FAM78B: variants seen among roughly 807,000 people sequenced by gnomAD.
FAM78B encodes protein FAM78B.
Under a neutral mutation model 20.0 loss-of-function variants are expected in FAM78B, and 10 were observed. That is an observed-to-expected ratio of 0.50 (90% CI 0.31 to 0.85). The LOEUF is 0.85. FAM78B is among the 40% of genes least tolerant of loss of function. The pLI is 0.05. For missense variants in FAM78B, 283 were observed against 345.0 expected (o/e 0.82, Z 1.42); for synonymous variants, 135 against 132.8 (o/e 1.02, Z -0.12).
chr1:166,076,388 G>C (rs1209386995), intron 1 of FAM78B, among the ~76,000 whole-genome samples: 1 of 151,916 alleles, frequency 6.6e-6, no homozygotes, highest in African/African-American at 2.4e-5. Context: ...CGTTCATTTT[G>C]CCTGGAAAAA....
At chr1:166,130,871 A>G (rs1654846937) in intron 1 of FAM78B, among the ~76,000 whole-genome samples, 1 of 152,096 alleles carries the variant, frequency 6.6e-6, no homozygotes, top group South Asian at 2.1e-4. Flanking sequence ...GGCAGAACTC[A>G]GAAGAAACAG....
intron 1 of FAM78B, among the ~76,000 whole-genome samples, chr1:166,092,539 T>G (rs1366206316): frequency 6.6e-6 from 1 of 152,250 alleles, no homozygotes. Flanking sequence ...CCTACTGGTC[T>G]TTAAGCCTCA....
At chr1:166,125,159 A>T (rs1654594642) in intron 1 of FAM78B, among the ~76,000 whole-genome samples, 1 of 152,056 alleles carries the variant, frequency 6.6e-6, no homozygotes, top group Admixed American at 6.5e-5. Flanking sequence ...TTCAGAGCTG[A>T]TTTTCACCCA....
chr1:166,073,532 C>A (rs1375146073), intron 1 of FAM78B, among the ~76,000 whole-genome samples: 1 of 131,266 alleles, frequency 7.6e-6, no homozygotes, highest in South Asian at 2.3e-4. Context: ...CTTTCTCTTT[C>A]TCTCTTTTTT....
chr1:166,134,074 T>C (rs1386516167), intron 1 of FAM78B, among the ~76,000 whole-genome samples: 1 of 152,180 alleles, frequency 6.6e-6, no homozygotes, highest in Non-Finnish European at 1.5e-5. Flanking sequence ...AAAAGAAAGT[T>C]TGGGGGGTTT....
intron 2 of FAM78B, among the ~76,000 whole-genome samples, chr1:166,061,838 G>C (rs961803806): frequency 6.6e-6 from 1 of 152,236 alleles, no homozygotes; most frequent in African/African-American, 2.4e-5. Context: ...AGAGGGGAAT[G>C]AGTGGGGCAC....
At chr1:166,124,097 A>C (rs1163008016) in intron 1 of FAM78B, among the ~76,000 whole-genome samples, 1 of 152,194 alleles carries the variant, frequency 6.6e-6, no homozygotes, top group Non-Finnish European at 1.5e-5. Flanking sequence ...CGAGGCTGCC[A>C]CCATAGCAAA....
intron 1 of FAM78B, among the ~76,000 whole-genome samples, chr1:166,142,255 G>C (rs1312265052): frequency 1.3e-5 from 2 of 152,132 alleles, no homozygotes; most frequent in African/African-American, 4.8e-5. Context: ...GAACCACTAG[G>C]GTCTATTGCA....
intron 1 of FAM78B, among the ~76,000 whole-genome samples, chr1:166,084,237 A>ACACACACACTCTCTCTCT (rs771421402): frequency 3.3e-4 from 41 of 125,472 alleles, no homozygotes; most frequent in African/African-American, 7.6e-4. Flanking sequence ...ACACACACAC[A>ACACACACACTCTCTCTCT]CTCTCTCTCT....
intron 1 of FAM78B, among the ~76,000 whole-genome samples, chr1:166,104,385 A>G (rs1420670796): frequency 1.3e-5 from 2 of 152,192 alleles, no homozygotes; most frequent in African/African-American, 4.8e-5. Context: ...AATATAGGGT[A>G]TTCAATTAGG....
downstream of FAM78B, chr1:166,057,276 G>A (rs1651387186): frequency 6.6e-6 from 1 of 152,126 alleles, no homozygotes; most frequent in Non-Finnish European, 1.5e-5. Flanking sequence ...GCAACATTAT[G>A]CCTTAGCCTG....
chr1:166,076,536 C>G (rs1039539488), intron 1 of FAM78B, among the ~76,000 whole-genome samples: 6 of 152,178 alleles, frequency 3.9e-5, no homozygotes, highest in Admixed American at 3.9e-4. Flanking sequence ...CATCCCACAT[C>G]TCTGCTTTAT....
downstream of FAM78B, among the ~76,000 whole-genome samples, chr1:166,066,212 A>G (rs1553213340): frequency 6.6e-6 from 1 of 152,160 alleles, no homozygotes; most frequent in Non-Finnish European, 1.5e-5. Flanking sequence ...AGGAGAGCAG[A>G]TTTCCTACTC....
Position 166,109,901 on chromosome 1 carries a change from T to TAC in FAM78B, c.264-39139_264-39138insGT, listed in dbSNP as rs1653977617. ...ATATATGTATATATGTATATATATA[T>TAC]ATATATATATATATATATAATGGAA... On this transcript the variant is annotated intron_variant, in intron 1 of 1. Transcript: ENST00000354422. Among the ~76,000 whole-genome samples the TAC allele has an allele frequency of 4.0e-5, 4 of 99,910 alleles. No individual in the cohort carries two copies. In the East Asian group the frequency reaches 1.1e-3, roughly 27 times the overall value. 65.5% of individuals were successfully genotyped at this position (99,910 alleles called of 152,430 possible).
intron 1 of FAM78B, among the ~76,000 whole-genome samples, chr1:166,095,857 G>T (rs890291432): frequency 1.4e-4 from 22 of 152,192 alleles, no homozygotes; most frequent in African/African-American, 5.1e-4. Context: ...TGGCACAGAG[G>T]AGTAAGGTGC....
intron 1 of FAM78B, among the ~76,000 whole-genome samples, chr1:166,141,938 G>A (rs1410364118): frequency 6.6e-6 from 1 of 152,204 alleles, no homozygotes. Flanking sequence ...GAGAAAGGGA[G>A]GAGGCAGGCT....
intron 1 of FAM78B, among the ~76,000 whole-genome samples, chr1:166,139,642 T>G (rs1655204935): frequency 6.6e-6 from 1 of 152,086 alleles, no homozygotes; most frequent in African/African-American, 2.4e-5. Flanking sequence ...GCATCTGGGA[T>G]GGGTTTGTGA....
Position 166,106,194 on chromosome 1 carries a change from C to G in FAM78B, c.264-35431G>C, listed in dbSNP as rs10918359. Among the ~76,000 whole-genome samples, 144 of 117,318 alleles carry G rather than the reference C, an allele frequency of 1.2e-3. 1 individual carries two copies. Among genetic ancestry groups the G allele is most frequent in the African/African-American group, 4.7e-3 (134 of 28,312 alleles). 77.0% of individuals were successfully genotyped at this position (117,318 alleles called of 152,430 possible). On this transcript the variant is annotated intron_variant, in intron 1 of 1. Transcript: ENST00000354422. ...ACACAGGAAGGGGAACATCGCACAC[C>G]GGGGCCTGTTGTGGGGTGGGGGGAG...
At chr1:166,103,488 C>A (rs1274613309) in intron 1 of FAM78B, among the ~76,000 whole-genome samples, 4 of 152,032 alleles carry the variant, frequency 2.6e-5, no homozygotes, top group African/African-American at 9.7e-5. Flanking sequence ...AGAGGAGAAT[C>A]AAATAGACAC....
Sources: gnomAD v4.1 joint callset for allele counts (sites outside exome capture counted in the v4.1 genomes callset) on GRCh38, gnomAD v4.1.1 for gene constraint, MANE v1.5 for transcripts, NCBI Gene and HGNC (gene_info 2026-07-23, HGNC 2026-07-21) for gene names.